PCDHA5: variants seen among roughly 807,000 people sequenced by gnomAD.
The protein encoded by PCDHA5 is protocadherin alpha 5.
PCDHA5 carries 43 observed loss-of-function variants against 61.6 expected under a neutral mutation model. The observed-to-expected ratio is 0.70, with a 90% confidence interval of 0.55 to 0.90. The LOEUF (loss-of-function observed/expected upper bound fraction) is 0.90, where lower values mean the gene tolerates loss of function less well. Ranked by LOEUF, PCDHA5 falls within the 40% of genes least tolerant of loss-of-function variation. The pLI is 0.00. For missense variants in PCDHA5, 1,298 were observed against 1,222.7 expected (o/e 1.06, Z -0.92); for synonymous variants, 627 against 543.9 (o/e 1.15, Z -2.13).
chr5:140,983,966 C>A (rs782428444), intron 3 of PCDHA5, among the ~76,000 whole-genome samples: 1 of 152,048 alleles, frequency 6.6e-6, no homozygotes, highest in Non-Finnish European at 1.5e-5. Flanking sequence ...CACATTTGTC[C>A]AAAAAATATA....
At chr5:140,870,178 C>A (rs2051730547) in intron 1 of PCDHA5, 6 of 1,614,096 alleles carry the variant, frequency 3.7e-6, no homozygotes, top group Non-Finnish European at 5.1e-6. Flanking sequence ...CCTCCCAGTA[C>A]GAGAGGACGC....
intron 1 of PCDHA5, chr5:140,848,442 T>C: frequency 1.3e-6 from 2 of 1,489,558 alleles, no homozygotes; most frequent in Non-Finnish European, 1.8e-6. Context: ...ATCAGATGAT[T>C]TCTTCTAATT....
rs568722959 is a variant in PCDHA5 at position 140,970,085 on chromosome 5, T to C, written c.2353-8864T>C. Among the ~76,000 whole-genome samples the C allele has an allele frequency of 2.6e-5, 4 of 151,946 alleles. No homozygotes were observed. The East Asian group carries it at 7.7e-4, about 29-fold the overall frequency. ...TATTAGAATGAGTGGATTAGGGGTG[T>C]GGGGGGATGGTGAAGACCAAGAGAA... is the stretch of plus-strand genomic sequence containing the variant. On this transcript the variant is annotated intron_variant, in intron 1 of 3. Coordinates refer to ENST00000529859, the MANE Select transcript of PCDHA5 (RefSeq NM_018908.3).
chr5:140,983,526 A>G (rs1421450953), intron 3 of PCDHA5, among the ~76,000 whole-genome samples: 3 of 152,230 alleles, frequency 2.0e-5, no homozygotes, highest in Admixed American at 2.0e-4. Flanking sequence ...TGCCAAGTAC[A>G]TTGTATGTGT....
At chr5:140,926,584 C>A in intron 1 of PCDHA5, 1 of 285,402 alleles carries the variant, frequency 3.5e-6, no homozygotes, top group Non-Finnish European at 6.4e-6. Context: ...GCACCTCTCG[C>A]GCCCGGGCGG....
At chr5:141,002,733 G>T (rs556024108) in intron 3 of PCDHA5, among the ~76,000 whole-genome samples, 1 of 152,314 alleles carries the variant, frequency 6.6e-6, no homozygotes, top group Admixed American at 6.5e-5. Context: ...CACAGTAAAT[G>T]TTAACTACAT....
chr5:140,947,083 A>T (rs1268359945), intron 1 of PCDHA5, among the ~76,000 whole-genome samples: 1 of 151,728 alleles, frequency 6.6e-6, no homozygotes, highest in African/African-American at 2.4e-5. Context: ...TTGAAACATC[A>T]GACTGTAGCC....
chr5:140,878,333 G>C (rs947043628), intron 1 of PCDHA5, among the ~76,000 whole-genome samples: 4 of 152,000 alleles, frequency 2.6e-5, no homozygotes, highest in Admixed American at 6.5e-5. Flanking sequence ...TATATTCCAG[G>C]TATTATCACA....
intron 3 of PCDHA5, among the ~76,000 whole-genome samples, chr5:140,985,173 G>A (rs939430246): frequency 1.3e-5 from 2 of 152,154 alleles, no homozygotes; most frequent in Admixed American, 6.5e-5. Flanking sequence ...TCCTGACCTC[G>A]TAATCCGCCT....
At chr5:140,977,813 C>T (rs1347788650) in intron 1 of PCDHA5, among the ~76,000 whole-genome samples, 1 of 152,192 alleles carries the variant, frequency 6.6e-6, no homozygotes, top group Non-Finnish European at 1.5e-5. Flanking sequence ...GAATTATTGA[C>T]AGTTTTGAAT....
At chr5:140,928,293 G>A (rs782241081) in intron 1 of PCDHA5, 1 of 1,614,150 alleles carries the variant, frequency 6.2e-7, no homozygotes, top group South Asian at 1.1e-5. Flanking sequence ...TAGGCCGAGT[G>A]TTTGCCCAGG....
chr5:140,933,423 A>G (rs2089141997), intron 1 of PCDHA5, among the ~76,000 whole-genome samples: 1 of 152,144 alleles, frequency 6.6e-6, no homozygotes, highest in Non-Finnish European at 1.5e-5. Flanking sequence ...TTCTGTGTTC[A>G]TAGGGGCACT....
chr5:140,859,587 C>T, intron 1 of PCDHA5: 1 of 166,890 alleles, frequency 6.0e-6, no homozygotes, highest in Non-Finnish European at 1.3e-5. Context: ...TTGCCTATGG[C>T]TCTTAGCAAT....
intron 1 of PCDHA5, chr5:140,969,335 A>G (rs782267073): frequency 1.2e-6 from 2 of 1,614,012 alleles, no homozygotes; most frequent in Admixed American, 3.3e-5. Context: ...AAATGAGGTG[A>G]GACAGTGGTC....
chr5:140,872,768 A>C (rs527621278), intron 1 of PCDHA5, among the ~76,000 whole-genome samples: 1 of 152,292 alleles, frequency 6.6e-6, no homozygotes, highest in East Asian at 1.9e-4. Context: ...ATAGGGCTAT[A>C]TTATCTATAA....
At chr5:140,825,048 C>T (rs1460385722) in intron 1 of PCDHA5, 1 of 151,952 alleles carries the variant, frequency 6.6e-6, no homozygotes, top group African/African-American at 2.4e-5. Flanking sequence ...TTCCCTTTCA[C>T]CTCCTTCATG....
At chr5:140,914,426 A>T (rs1554196349) in intron 1 of PCDHA5, among the ~76,000 whole-genome samples, 1 of 152,140 alleles carries the variant, frequency 6.6e-6, no homozygotes. Context: ...TTAGCAAGGA[A>T]TATCTTTTCC....
At chr5:140,858,024 C>T (rs782656168) in intron 1 of PCDHA5, 4 of 1,596,582 alleles carry the variant, frequency 2.5e-6, no homozygotes, top group African/African-American at 1.3e-5. Context: ...CCGTCGCTGA[C>T]GGCCACGGCC....
At chr5:140,862,905 G>A in intron 1 of PCDHA5, 2 of 551,590 alleles carry the variant, frequency 3.6e-6, no homozygotes, top group Non-Finnish European at 7.0e-6. Context: ...TGTCTGCGCT[G>A]CTGGCGCCTT....
Sources: allele counts gnomAD v4.1 joint callset (sites outside exome capture counted in the v4.1 genomes callset), GRCh38; gene constraint gnomAD v4.1.1; transcripts MANE v1.5; gene names NCBI Gene and HGNC (gene_info 2026-07-23, HGNC 2026-07-21).